The following EHF variants were observed in gnomAD, a reference collection of about 807,000 sequenced individuals.
The protein encoded by EHF is ESE3 transcription factor.
Under a neutral mutation model 45.1 loss-of-function variants are expected in EHF, and 14 were observed. That is an observed-to-expected ratio of 0.31 (90% CI 0.21 to 0.49). EHF has a LOEUF of 0.49. Among genes scored for constraint, EHF ranks in the 20% least tolerant of loss-of-function variants. The probability of loss-of-function intolerance (pLI) is 0.99; values close to 1 mark genes in which losing one functional copy is unlikely to be tolerated. For missense variants in EHF, 282 were observed against 371.4 expected (o/e 0.76, Z 1.98); for synonymous variants, 136 against 131.8 (o/e 1.03, Z -0.22).
chr11:34,653,320 G>T (rs1855376876), intron 6 of EHF, among the ~76,000 whole-genome samples: 1 of 152,144 alleles, frequency 6.6e-6, no homozygotes, highest in African/African-American at 2.4e-5. Context: ...CATAGTTACA[G>T]CTCTGCTGCC....
In EHF at chr11:34,658,886, T is replaced by C; in HGVS notation, c.858T>C (p.Tyr286=). 1.9e-6 allele frequency: 3 copies of C among 1,613,436 alleles called. No individual in the cohort carries two copies. The highest frequency in any genetic ancestry group is 2.5e-6 in the Non-Finnish European group (3 of 1,179,676). Residue 286 remains tyrosine (Y), a synonymous_variant, in exon 9 of 9, where the codon TAT becomes TAC. Transcript: ENST00000257831. ...GTGTGGATGGACGAAGACTGGTATA[T>C]AAATTTGGGAAGAATGCCCGAGGAT... is the stretch of plus-strand genomic sequence containing the variant. The part of the protein sequence containing the change: ...LERVDGRRLV[Y]KFGKNARGWR...
chr11:34,630,522 G>A (rs1311090089), intron 1 of EHF, among the ~76,000 whole-genome samples: 1 of 152,066 alleles, frequency 6.6e-6, no homozygotes. Context: ...GGGGGCTGTT[G>A]CTCTTTCCTT....
chr11:34,628,194 C>T (rs1378598584), intron 1 of EHF, among the ~76,000 whole-genome samples: 1 of 152,084 alleles, frequency 6.6e-6, no homozygotes, highest in Non-Finnish European at 1.5e-5. Flanking sequence ...GCCAAGATCA[C>T]ACCACTGCAC....
intron 1 of EHF, among the ~76,000 whole-genome samples, chr11:34,641,812 A>G (rs965631933): frequency 6.6e-6 from 1 of 152,192 alleles, no homozygotes; most frequent in Non-Finnish European, 1.5e-5. Flanking sequence ...TTGCATTGTT[A>G]TAAAATAAAC....
At chr11:34,651,948 G>T in intron 6 of EHF, 143 bp downstream of exon 6, 1 of 805,382 alleles carries the variant, frequency 1.2e-6, no homozygotes, top group Non-Finnish European at 1.9e-6. Context: ...ATTAGACGAG[G>T]TTTGCTTTTG....
intron 6 of EHF, among the ~76,000 whole-genome samples, chr11:34,655,190 A>T (rs1855546614): frequency 6.6e-6 from 1 of 152,170 alleles, no homozygotes; most frequent in Non-Finnish European, 1.5e-5. Flanking sequence ...CAATGCCAGG[A>T]GAGAAATTCT....
chr11:34,633,025 C>A (rs1298626799), intron 1 of EHF, among the ~76,000 whole-genome samples: 1 of 152,068 alleles, frequency 6.6e-6, no homozygotes, highest in East Asian at 1.9e-4. Flanking sequence ...ATTAAGTAAT[C>A]TTTTGAAGGA....
At chr11:34,632,674 G>C (rs1853009618) in intron 1 of EHF, 1 of 1,535,300 alleles carries the variant, frequency 6.5e-7, no homozygotes, top group Admixed American at 2.0e-5. Flanking sequence ...TCAAATGCCA[G>C]AGAGGGTTGC....
chr11:34,633,157 G>A (rs1377424440), intron 1 of EHF, among the ~76,000 whole-genome samples: 1 of 152,138 alleles, frequency 6.6e-6, no homozygotes, highest in Non-Finnish European at 1.5e-5. Context: ...TGTCTGTTCG[G>A]ACTTCAGAAC....
At chr11:34,626,933 T>A (rs759429612) in intron 1 of EHF, among the ~76,000 whole-genome samples, 33 of 152,226 alleles carry the variant, frequency 2.2e-4, no homozygotes, top group Non-Finnish European at 3.8e-4. Context: ...TAACATCTAC[T>A]GCATTGGGCT....
chr11:34,655,562 G>C (rs1214547511), intron 6 of EHF, among the ~76,000 whole-genome samples: 1 of 152,162 alleles, frequency 6.6e-6, no homozygotes, highest in Non-Finnish European at 1.5e-5. Flanking sequence ...CCACATTCCA[G>C]CTGTGTGACT....
chr11:34,649,004 A>G lies in EHF; in HGVS notation c.344-15A>G, dbSNP rs766251032. The G allele has an allele frequency of 1.2e-6, 2 of 1,612,128 alleles. No homozygotes were observed. Among genetic ancestry groups the G allele is most frequent in the East Asian group, 2.2e-5 (1 of 44,868 alleles). ...ATCTGGGCCCTCTCTGACTATCCCA[A>G]TCTGTCCTTCACAGGCCAGTGCAGT... On this transcript the variant is annotated splice_polypyrimidine_tract_variant and intron_variant, in intron 3 of 8. Transcript: ENST00000257831.
rs1470123562 is a variant in EHF, at chr11:34,658,675, T to C, written c.750T>C (p.Gly250=). Residue 250 remains glycine (G), a synonymous_variant, in exon 8 of 9, where the codon GGT becomes GGC. Transcript: ENST00000257831. ...LKSEAVAQLW[G]KKKNNSSMTY... ...CAGAGGCAGTGGCTCAGCTATGGGG[T>C]AAAAAGAAGAACAACAGCAGCATGA... The C allele has an allele frequency of 3.7e-6, 6 of 1,613,574 alleles. No homozygotes were observed. The Admixed American group carries it at 1.0e-4, about 27-fold the overall frequency.
intron 2 of EHF, among the ~76,000 whole-genome samples, chr11:34,645,689 G>A (rs1732222494): frequency 6.6e-6 from 1 of 152,172 alleles, no homozygotes; most frequent in African/African-American, 2.4e-5. Context: ...AAGATGGGTA[G>A]GAATTCAACA....
Position 34,662,019 on chromosome 11 carries a change from G to A in EHF, c.*3088G>A, listed in dbSNP as rs1437530383. On this transcript the variant is annotated 3_prime_UTR_variant, in exon 9 of 9. Transcript: ENST00000257831. ...TTCTTGAATGTGCCATCTGAGAAGG[G>A]AGACCCAGGTTGTGAGTTTTCCTTT... Among the ~76,000 whole-genome samples, 2 of 152,090 alleles carry A rather than the reference G, an allele frequency of 1.3e-5. No individual in the cohort carries two copies. Among genetic ancestry groups the A allele is most frequent in the Non-Finnish European group, 2.9e-5 (2 of 67,988 alleles).
Position 34,656,942 on chromosome 11 carries a change from C to G in EHF, c.579C>G (p.Pro193=). 3 of 1,613,694 alleles carry G rather than the reference C, an allele frequency of 1.9e-6. No individual in the cohort carries two copies. The highest frequency in any genetic ancestry group is 1.7e-6 in the Non-Finnish European group (2 of 1,179,818). The change falls in exon 7 of 9, where the codon CCC becomes CCG. Residue 193 remains proline, a synonymous_variant. Coordinates refer to ENST00000257831, the MANE Select transcript of EHF (RefSeq NM_012153.6). ...ESPDMKKEQD[P]PAKCHTKKHN... ...CTGATATGAAAAAGGAGCAAGACCC[C>G]CCTGCCAAGTGCCACACCAAAAAGC...
chr11:34,634,093 C>A (rs1005642920), intron 1 of EHF, among the ~76,000 whole-genome samples: 2 of 152,170 alleles, frequency 1.3e-5, no homozygotes, highest in Non-Finnish European at 2.9e-5. Context: ...CCAAGAGAAT[C>A]AAATACATTC....
At chr11:34,657,889 C>T (rs569987368) in intron 7 of EHF, among the ~76,000 whole-genome samples, 2 of 125,412 alleles carry the variant, frequency 1.6e-5, no homozygotes, top group Admixed American at 1.9e-4. Context: ...TGCAACCCCT[C>T]GAAAGGTGGG....
intron 2 of EHF, among the ~76,000 whole-genome samples, chr11:34,644,568 G>A (rs1265710119): frequency 2.0e-5 from 3 of 152,342 alleles, no homozygotes; most frequent in Non-Finnish European, 4.4e-5. Flanking sequence ...ATTACTAACG[G>A]CAGTCACCTC....
Sources: allele counts gnomAD v4.1 joint callset (sites outside exome capture counted in the v4.1 genomes callset), GRCh38; gene constraint gnomAD v4.1.1; transcripts MANE v1.5; gene names NCBI Gene and HGNC (gene_info 2026-07-23, HGNC 2026-07-21).